Variants in TEX11 observed in about 807,000 individuals in gnomAD.
TEX11 encodes the protein testis-expressed protein 11.
A neutral mutation model predicts 84.4 loss-of-function variants in TEX11; 7 were observed. The observed-to-expected ratio is 0.08, with a 90% CI of 0.05 to 0.16. The LOEUF is 0.16. TEX11 is among the 10% of genes least tolerant of loss of function. The pLI, the probability that TEX11 is intolerant of heterozygous loss-of-function variation, is 1.00. For synonymous variants in TEX11, 264 were observed against 222.8 expected, an observed-to-expected ratio of 1.18 and a Z score of -1.64; for missense variants, 551 against 660.5, an observed-to-expected ratio of 0.83 and a Z score of 1.82.
At chrX:70,516,961 A>C in the TEX11 span, among the ~76,000 whole-genome samples, 8 of 111,704 alleles carry the variant, frequency 7.2e-5, no homozygotes, top group Admixed American at 4.8e-4. Flanking sequence ...TGATTTTTGC[A>C]CATTGATTTT....
intron 18 of TEX11, among the ~76,000 whole-genome samples, chrX:70,625,782 T>C (rs774975537): frequency 1.8e-5 from 2 of 108,979 alleles, no homozygotes; most frequent in Admixed American, 9.8e-5. Context: ...TTTTCTTTTT[T>C]TTTTTTTTAA....
At chrX:70,782,138 G>C (rs1455054723) in intron 9 of TEX11, among the ~76,000 whole-genome samples, 1 of 112,086 alleles carries the variant, frequency 8.9e-6, no homozygotes, top group Non-Finnish European at 1.9e-5. Context: ...AACCCTATAA[G>C]CCCGAAGAGA....
At chrX:70,679,995 C>T (rs1320589170) in intron 14 of TEX11, among the ~76,000 whole-genome samples, 4 of 78,138 alleles carry the variant, frequency 5.1e-5, no homozygotes, top group Non-Finnish European at 7.8e-5. Flanking sequence ...CCGCCCCGTC[C>T]GGGAGGTGAG....
chrX:70,520,390 C>T, the TEX11 span, among the ~76,000 whole-genome samples: 1 of 112,457 alleles, frequency 8.9e-6, no homozygotes, highest in African/African-American at 3.2e-5. Flanking sequence ...AGCTGCAGGT[C>T]TGTTGGAGTT....
chrX:70,834,232 G>A (rs185122392), intron 7 of TEX11, among the ~76,000 whole-genome samples: 28 of 110,156 alleles, frequency 2.5e-4, no homozygotes, highest in African/African-American at 7.9e-4. Context: ...AAGCAGCTTC[G>A]TACAATCTCA....
chrX:70,590,091 A>G (rs931286336), intron 25 of TEX11, among the ~76,000 whole-genome samples: 8 of 111,996 alleles, frequency 7.1e-5, no homozygotes, highest in Non-Finnish European at 1.5e-4. Context: ...AAAACTTCAA[A>G]AGGCACACGA....
intron 4 of TEX11, among the ~76,000 whole-genome samples, chrX:70,862,127 G>T (rs1031475279): frequency 9.0e-6 from 1 of 110,889 alleles, no homozygotes; most frequent in East Asian, 2.8e-4. Context: ...AAAGTGCTGG[G>T]ATTATAGGTG....
intron 9 of TEX11, among the ~76,000 whole-genome samples, chrX:70,784,004 C>T (rs1239423949): frequency 9.0e-6 from 1 of 111,379 alleles, no homozygotes; most frequent in Non-Finnish European, 1.9e-5. Flanking sequence ...GATACAAAAG[C>T]CTGGCAGAGA....
intron 25 of TEX11, among the ~76,000 whole-genome samples, chrX:70,576,958 GA>G (rs1240460371): frequency 1.8e-5 from 2 of 111,748 alleles, no homozygotes; most frequent in Non-Finnish European, 3.8e-5. Context: ...AATAAAGAGT[GA>G]GCAACAGGTC....
At chrX:70,821,032 C>T (rs1378583257) in intron 8 of TEX11, among the ~76,000 whole-genome samples, 3 of 111,663 alleles carry the variant, frequency 2.7e-5, no homozygotes, top group African/African-American at 9.8e-5. Context: ...TGCTTCTGCA[C>T]AGCAAAGAAA....
chrX:70,897,615 GGAAGGAAGGAA>G (rs2091776685), intron 2 of TEX11: 1 of 40,684 alleles, frequency 2.5e-5, no homozygotes, highest in African/African-American at 1.2e-4. Flanking sequence ...AAAAAAGGAA[GGAAGGAAGGAA>G]GGAAGGAAGG....
rs182360597 is a variant in TEX11, at chrX:70,670,603, T to C, written c.1243-89A>G. On this transcript the variant is annotated intron_variant, in intron 15 of 29. Coordinates refer to ENST00000374333, the MANE Select transcript of TEX11 (RefSeq NM_031276.3). ...CTCTAGAAACAAATAAAAGATGCTG[T>C]TGGTTTCTTTTTTAGGCAATCAAAA... The C allele has an allele frequency of 1.2e-5, 12 of 1,033,247 alleles. No homozygotes were observed. In the Admixed American group the frequency reaches 2.9e-4, roughly 25 times the overall value. 85.2% of individuals were successfully genotyped at this position (1,033,247 alleles called of 1,213,427 possible).
chrX:70,523,460 A>C, the TEX11 span, among the ~76,000 whole-genome samples: 1 of 111,153 alleles, frequency 9.0e-6, no homozygotes, highest in African/African-American at 3.3e-5. Context: ...AGCCTAGAGA[A>C]GGATTATGCT....
intron 2 of TEX11, among the ~76,000 whole-genome samples, chrX:70,886,421 T>C (rs2091709497): frequency 9.0e-6 from 1 of 111,358 alleles, no homozygotes; most frequent in African/African-American, 3.3e-5. Context: ...AGAATGGTGG[T>C]TTCCAAGGGC....
intron 2 of TEX11, among the ~76,000 whole-genome samples, chrX:70,906,123 A>G (rs1183954072): frequency 1.5e-5 from 1 of 66,021 alleles, no homozygotes; most frequent in African/African-American, 5.0e-5. Flanking sequence ...ATATATATAT[A>G]TATATATATA....
intron 13 of TEX11, among the ~76,000 whole-genome samples, chrX:70,715,726 T>C (rs1307798604): frequency 8.9e-6 from 1 of 111,822 alleles, no homozygotes; most frequent in Admixed American, 9.5e-5. Flanking sequence ...CTTCTTTGTC[T>C]TCGGTTTGAA....
At chrX:70,879,589 G>A (rs1473684308) in intron 3 of TEX11, among the ~76,000 whole-genome samples, 1 of 110,752 alleles carries the variant, frequency 9.0e-6, no homozygotes, top group African/African-American at 3.3e-5. Context: ...CCACTACTGG[G>A]TGGCTCCACT....
chrX:70,824,706 A>G (rs1416400750), intron 8 of TEX11, among the ~76,000 whole-genome samples: 1 of 111,084 alleles, frequency 9.0e-6, no homozygotes, highest in East Asian at 2.8e-4. Flanking sequence ...AAGCAACAAA[A>G]TAAAGTTGAT....
intron 11 of TEX11, among the ~76,000 whole-genome samples, chrX:70,738,184 T>A (rs1875762587): frequency 1.8e-5 from 2 of 110,819 alleles, no homozygotes; most frequent in Admixed American, 1.9e-4. Flanking sequence ...TGGGAGAAAA[T>A]TTTTACAATC....
Sources: gnomAD v4.1 joint callset for allele counts (sites outside exome capture counted in the v4.1 genomes callset) on GRCh38, gnomAD v4.1.1 for gene constraint, MANE v1.5 for transcripts, NCBI Gene and HGNC (gene_info 2026-07-23, HGNC 2026-07-21) for gene names.